The following ME3 variants were observed in gnomAD, a reference collection of about 807,000 sequenced individuals.
ME3 encodes the protein NADP-dependent malic enzyme, mitochondrial.
In ME3, 48 loss-of-function variants were observed where a neutral mutation model predicts 68.9. The observed-to-expected ratio is 0.70, with a 90% CI of 0.55 to 0.89. ME3 has a LOEUF of 0.89. Among genes scored for constraint, ME3 ranks in the 40% least tolerant of loss-of-function variants. ME3 has a pLI of 0.00. For missense variants in ME3, 675 were observed against 797.4 expected (o/e 0.85, Z 1.85); for synonymous variants, 320 against 318.8 (o/e 1.00, Z -0.04).
intron 7 of ME3, among the ~76,000 whole-genome samples, chr11:86,468,901 G>A (rs897107210): frequency 7.2e-5 from 11 of 152,114 alleles, no homozygotes; most frequent in East Asian, 1.9e-4. Context: ...TGATGTAGGC[G>A]CTGTTTCCAG....
intron 4 of ME3, among the ~76,000 whole-genome samples, chr11:86,547,699 C>G (rs1436072494): frequency 6.6e-6 from 1 of 152,098 alleles, no homozygotes; most frequent in African/African-American, 2.4e-5. Flanking sequence ...TTAGACAAAA[C>G]TCAATGTGAG....
At chr11:86,502,205 C>T (rs1952770016) in intron 5 of ME3, among the ~76,000 whole-genome samples, 1 of 152,222 alleles carries the variant, frequency 6.6e-6, no homozygotes, top group Admixed American at 6.5e-5. Context: ...AATCTTACCA[C>T]CCTTGCATGT....
downstream of ME3, among the ~76,000 whole-genome samples, chr11:86,439,388 T>A (rs1014440263): frequency 6.6e-6 from 1 of 152,258 alleles, no homozygotes; most frequent in Non-Finnish European, 1.5e-5. Flanking sequence ...ATGTACTGTT[T>A]TCCAATATTT....
intron 2 of ME3, among the ~76,000 whole-genome samples, chr11:86,658,918 T>C (rs1479697094): frequency 6.6e-6 from 1 of 152,210 alleles, no homozygotes; most frequent in Non-Finnish European, 1.5e-5. Context: ...TCTACTCCTG[T>C]TTCATCAACA....
chr11:86,648,824 A>T (rs4943950), intron 2 of ME3, among the ~76,000 whole-genome samples: 30,535 of 151,982 alleles, frequency 0.2, 3,921 homozygotes, highest in East Asian at 0.56. Flanking sequence ...TGAGGCAGTA[A>T]TTAATAGCCT....
chr11:86,669,622 G>A (rs1484361639), intron 2 of ME3, among the ~76,000 whole-genome samples: 1 of 152,178 alleles, frequency 6.6e-6, no homozygotes, highest in African/African-American at 2.4e-5. Flanking sequence ...CCACCCCCGT[G>A]ATTCAATTAC....
intron 4 of ME3, among the ~76,000 whole-genome samples, chr11:86,509,925 G>C (rs1266343543): frequency 6.6e-6 from 1 of 152,086 alleles, no homozygotes; most frequent in Non-Finnish European, 1.5e-5. Context: ...AGAGTCCATA[G>C]AATCTAGGGT....
At chr11:86,496,202 T>C (rs1405722721) in intron 6 of ME3, among the ~76,000 whole-genome samples, 1 of 151,910 alleles carries the variant, frequency 6.6e-6, no homozygotes, top group Non-Finnish European at 1.5e-5. Context: ...GGTCAGGAGT[T>C]TGAGACCAGC....
chr11:86,620,199 A>G (rs1324906781), intron 2 of ME3, among the ~76,000 whole-genome samples: 1 of 152,164 alleles, frequency 6.6e-6, no homozygotes, highest in Non-Finnish European at 1.5e-5. Context: ...ATATATCCCT[A>G]TTTTCTTAAA....
At chr11:86,459,672 G>A (rs1329058970) in intron 8 of ME3, among the ~76,000 whole-genome samples, 2 of 152,212 alleles carry the variant, frequency 1.3e-5, no homozygotes, top group South Asian at 2.1e-4. Flanking sequence ...ATAAGGAAAG[G>A]AAGGTACCGA....
At chr11:86,467,853 A>G (rs1184970583) in intron 7 of ME3, among the ~76,000 whole-genome samples, 1 of 152,068 alleles carries the variant, frequency 6.6e-6, no homozygotes, top group African/African-American at 2.4e-5. Context: ...CCATGGAGCA[A>G]TTTGATGGAA....
intron 2 of ME3, among the ~76,000 whole-genome samples, chr11:86,560,629 G>C (rs956735957): frequency 1.3e-5 from 2 of 150,992 alleles, no homozygotes; most frequent in Admixed American, 6.6e-5. Flanking sequence ...ATTAACTAAA[G>C]CCTTTAGTTT....
downstream of ME3, among the ~76,000 whole-genome samples, chr11:86,437,615 T>G (rs1948905031): frequency 6.6e-6 from 1 of 152,202 alleles, no homozygotes; most frequent in Non-Finnish European, 1.5e-5. Context: ...TCTCTCAATT[T>G]ATTTAGATCT....
intron 2 of ME3, among the ~76,000 whole-genome samples, chr11:86,664,143 G>A (rs1283860426): frequency 6.6e-6 from 1 of 152,124 alleles, no homozygotes; most frequent in Non-Finnish European, 1.5e-5. Context: ...TATTTACTTG[G>A]CTCTAGAAAC....
chr11:86,526,400 C>T (rs866313877), intron 4 of ME3, among the ~76,000 whole-genome samples: 78 of 152,322 alleles, frequency 5.1e-4, no homozygotes, highest in African/African-American at 1.6e-3. Context: ...CCCACTGCAG[C>T]CCAAGGAGGC....
chr11:86,632,620 C>T (rs1009537190), intron 2 of ME3, among the ~76,000 whole-genome samples: 1 of 152,172 alleles, frequency 6.6e-6, no homozygotes, highest in Non-Finnish European at 1.5e-5. Context: ...CCCTCCAGTA[C>T]TGCATACACT....
At chr11:86,537,303 A>C (rs1037697266) in intron 4 of ME3, among the ~76,000 whole-genome samples, 4 of 151,420 alleles carry the variant, frequency 2.6e-5, no homozygotes, top group Admixed American at 6.6e-5. Context: ...AAACAGTTCG[A>C]AGTGCTACAT....
At chr11:86,488,279 C>T (rs1951810222) in intron 6 of ME3, among the ~76,000 whole-genome samples, 1 of 152,208 alleles carries the variant, frequency 6.6e-6, no homozygotes, top group Non-Finnish European at 1.5e-5. Context: ...TGACTTCAGG[C>T]AGAATTTCAT....
intron 2 of ME3, among the ~76,000 whole-genome samples, chr11:86,631,735 G>T (rs1010174518): frequency 1.3e-5 from 2 of 152,132 alleles, no homozygotes; most frequent in Non-Finnish European, 2.9e-5. Context: ...TGTTCTGATA[G>T]TTATAAATTA....
Sources: gnomAD v4.1 joint callset for allele counts (sites outside exome capture counted in the v4.1 genomes callset) on GRCh38, gnomAD v4.1.1 for gene constraint, MANE v1.5 for transcripts, NCBI Gene and HGNC (gene_info 2026-07-23, HGNC 2026-07-21) for gene names.